The following CTNNA3 variants were observed in gnomAD, a reference collection of about 807,000 sequenced individuals.
CTNNA3 encodes the protein catenin alpha-3.
In CTNNA3, 76 loss-of-function variants were observed where a neutral mutation model predicts 95.7. The observed-to-expected ratio is 0.79, with a 90% CI of 0.66 to 0.96. The LOEUF is 0.96. CTNNA3 is among the 40% of genes least tolerant of loss of function. The probability of loss-of-function intolerance (pLI) is 0.00; values close to 1 mark genes in which losing one functional copy is unlikely to be tolerated. For missense variants in CTNNA3, 1,191 were observed against 1,089.8 expected (o/e 1.09, Z -1.31); for synonymous variants, 431 against 374.4 (o/e 1.15, Z -1.74).
At chr10:66,254,092 T>C in intron 13 of CTNNA3, among the ~76,000 whole-genome samples, 1 of 152,152 alleles carries the variant, frequency 6.6e-6, no homozygotes, top group East Asian at 1.9e-4. Context: ...GCCTATTCCC[T>C]GAGACTTTTC....
At chr10:67,420,590 T>C (rs1056192794) in intron 5 of CTNNA3, among the ~76,000 whole-genome samples, 7 of 152,182 alleles carry the variant, frequency 4.6e-5, no homozygotes, top group Admixed American at 1.3e-4. Flanking sequence ...ACACTTACGG[T>C]GTTTCCTGGC....
At chr10:66,628,215 T>C (rs994671148) in intron 9 of CTNNA3, among the ~76,000 whole-genome samples, 1 of 152,210 alleles carries the variant, frequency 6.6e-6, no homozygotes, top group Non-Finnish European at 1.5e-5. Context: ...GAATCATTGT[T>C]AATATAAATT....
At chr10:66,142,388 T>G (rs186218586) in intron 13 of CTNNA3, among the ~76,000 whole-genome samples, 1 of 152,180 alleles carries the variant, frequency 6.6e-6, no homozygotes, top group African/African-American at 2.4e-5. Context: ...TTGACCAGTA[T>G]GACACTGTCT....
At position 65,964,899 on chromosome 10, in the gene CTNNA3, CTGTG is replaced by C. The variant is rs775888510; in HGVS notation, c.2400+1709_2400+1712del. On this transcript the variant is annotated intron_variant, in intron 17 of 17. Coordinates refer to ENST00000433211, the MANE Select transcript of CTNNA3 (RefSeq NM_013266.4). Reference sequence around the variant, plus strand: ...ATATGCATCTATACACACATACATGCTGTGTGTATCTATATAAATGTATATATAC... The same window carrying C: ...ATATGCATCTATACACACATACATGCTGTATCTATATAAATGTATATATAC... Among the ~76,000 whole-genome samples the C allele has an allele frequency of 1.2e-3, 176 of 152,182 alleles. 1 individual carries two copies. The highest frequency in any genetic ancestry group is 3.2e-3 in the African/African-American group (133 of 41,528).
At chr10:66,360,784 T>TTCCTTC (rs1564897074) in intron 12 of CTNNA3, among the ~76,000 whole-genome samples, 66 of 52,778 alleles carry the variant, frequency 1.3e-3, no homozygotes, top group African/African-American at 3.8e-3. Flanking sequence ...TTTCTTTCTT[T>TTCCTTC]CTTCCTTCCT....
rs1422128104 is a variant in CTNNA3 at position 67,035,156 on chromosome 10, C to A, written c.1047+145161G>T. Among the ~76,000 whole-genome samples, 5 of 152,116 alleles carry A rather than the reference C, an allele frequency of 3.3e-5. No homozygotes were observed. The East Asian group carries it at 7.7e-4, about 23-fold the overall frequency. Reference sequence around the variant, plus strand: ...TAGACTGTCCTATTCCTTGCTGATACCAAGTACAAGTTCCTTACCCATATG... The same window carrying A: ...TAGACTGTCCTATTCCTTGCTGATAACAAGTACAAGTTCCTTACCCATATG... On this transcript the variant is annotated intron_variant, in intron 7 of 17. Transcript: ENST00000433211.
intron 1 of CTNNA3, among the ~76,000 whole-genome samples, chr10:67,741,091 T>A (rs1841334885): frequency 6.6e-6 from 1 of 150,812 alleles, no homozygotes; most frequent in African/African-American, 2.4e-5. Context: ...TTCTCACTCA[T>A]AGGTGGGAAC....
chr10:66,688,801 T>A (rs1847399216), intron 9 of CTNNA3, among the ~76,000 whole-genome samples: 2 of 149,092 alleles, frequency 1.3e-5, no homozygotes, highest in South Asian at 4.3e-4. Context: ...GAAACCCGTC[T>A]CTACTAAAAA....
chr10:67,105,521 TC>T (rs1858582833), intron 7 of CTNNA3, among the ~76,000 whole-genome samples: 1 of 152,148 alleles, frequency 6.6e-6, no homozygotes, highest in African/African-American at 2.4e-5. Flanking sequence ...TTAAATATAC[TC>T]CATCTGTTCT....
chr10:66,954,194 T>A (rs1293791948), intron 7 of CTNNA3, among the ~76,000 whole-genome samples: 1 of 152,200 alleles, frequency 6.6e-6, no homozygotes, highest in Non-Finnish European at 1.5e-5. Flanking sequence ...ATATATAGAT[T>A]TTTCTTAATA....
intron 1 of CTNNA3, among the ~76,000 whole-genome samples, chr10:67,744,428 G>A (rs1841361691): frequency 6.6e-6 from 1 of 151,242 alleles, no homozygotes; most frequent in South Asian, 2.1e-4. Context: ...AATAAATGGT[G>A]CTGGGAAAAC....
At chr10:66,717,706 G>A (rs1357903362) in intron 9 of CTNNA3, among the ~76,000 whole-genome samples, 1 of 152,138 alleles carries the variant, frequency 6.6e-6, no homozygotes. Flanking sequence ...GCTTTGCCAA[G>A]CTCCCAGCAC....
intron 7 of CTNNA3, among the ~76,000 whole-genome samples, chr10:67,174,728 A>C (rs1454220003): frequency 6.6e-6 from 1 of 152,094 alleles, no homozygotes; most frequent in Non-Finnish European, 1.5e-5. Flanking sequence ...TTGAATCATC[A>C]GCTCCTATAT....
At chr10:66,434,741 T>A (rs190868315) in intron 11 of CTNNA3, among the ~76,000 whole-genome samples, 131 of 152,348 alleles carry the variant, frequency 8.6e-4, no homozygotes, top group Non-Finnish European at 1.2e-3. Flanking sequence ...AAGGGAATGC[T>A]TCCAGCTTTT....
intron 7 of CTNNA3, among the ~76,000 whole-genome samples, chr10:66,800,047 A>G (rs1429916116): frequency 1.3e-5 from 2 of 151,390 alleles, no homozygotes; most frequent in African/African-American, 4.8e-5. Context: ...GATATCACAC[A>G]TTATAGAAAA....
intron 14 of CTNNA3, among the ~76,000 whole-genome samples, chr10:66,081,541 G>A (rs35053158): frequency 0.11 from 17,203 of 152,066 alleles, 1,171 homozygotes; most frequent in Non-Finnish European, 0.16. Context: ...TATATCAAAG[G>A]TTGGACAATT....
intron 11 of CTNNA3, among the ~76,000 whole-genome samples, chr10:66,433,596 C>G (rs1410058564): frequency 6.6e-6 from 1 of 152,134 alleles, no homozygotes; most frequent in Non-Finnish European, 1.5e-5. Context: ...TGTAGGTTGC[C>G]TGTTTCCTCT....
chr10:66,824,888 G>A (rs556270405), intron 7 of CTNNA3, among the ~76,000 whole-genome samples: 2 of 152,048 alleles, frequency 1.3e-5, no homozygotes, highest in South Asian at 2.1e-4. Flanking sequence ...AATGAAGTGT[G>A]GAGTTTGGTT....
chr10:67,583,509 A>G (rs1331963164), intron 3 of CTNNA3, among the ~76,000 whole-genome samples: 1 of 151,856 alleles, frequency 6.6e-6, no homozygotes, highest in Non-Finnish European at 1.5e-5. Flanking sequence ...CTTCATTTCA[A>G]TTTTGGTGAA....
Sources: gnomAD v4.1 joint callset for allele counts (sites outside exome capture counted in the v4.1 genomes callset) on GRCh38, gnomAD v4.1.1 for gene constraint, MANE v1.5 for transcripts, NCBI Gene and HGNC (gene_info 2026-07-23, HGNC 2026-07-21) for gene names.